ZNF92: variants seen among roughly 807,000 people sequenced by gnomAD.
The protein encoded by ZNF92 is zinc finger protein 92.
In ZNF92, 11 loss-of-function variants were observed where a neutral mutation model predicts 12.4. The observed-to-expected ratio is 0.89, with a 90% confidence interval of 0.56 to 1.47. The LOEUF (loss-of-function observed/expected upper bound fraction) is 1.47. ZNF92 is among the 40% of genes most tolerant of loss of function. The pLI, the probability that ZNF92 is intolerant of heterozygous loss-of-function variation, is 0.00. For missense variants in ZNF92, 622 were observed against 681.0 expected (o/e 0.91, Z 0.96); for synonymous variants, 206 against 228.6 (o/e 0.90, Z 0.89).
chr7:65,389,653 A>G (rs895828008), intron 3 of ZNF92, among the ~76,000 whole-genome samples: 1 of 151,820 alleles, frequency 6.6e-6, no homozygotes, highest in Admixed American at 6.6e-5. Context: ...AGTAGCTGGG[A>G]CTATAGGCAT....
At chr7:65,388,724 C>A in intron 2 of ZNF92, 82 bp from the exon 3 acceptor site, 1 of 1,103,450 alleles carries the variant, frequency 9.1e-7, no homozygotes, top group African/African-American at 1.6e-5. Context: ...TAATCTATTG[C>A]ATCCTCTTTA....
At chr7:65,384,219 T>C (rs1013253674) in intron 1 of ZNF92, among the ~76,000 whole-genome samples, 1 of 151,568 alleles carries the variant, frequency 6.6e-6, no homozygotes, top group African/African-American at 2.4e-5. Context: ...CTAAAAAAGA[T>C]TAAAATTACA....
At chr7:65,378,480 C>T (rs1342169166) in intron 1 of ZNF92, among the ~76,000 whole-genome samples, 1 of 151,610 alleles carries the variant, frequency 6.6e-6, no homozygotes, top group African/African-American at 2.4e-5. Context: ...TGGTGGCTCA[C>T]ACCTGTAATC....
At chr7:65,397,727 G>A (rs1363803125) in intron 3 of ZNF92, among the ~76,000 whole-genome samples, 1 of 152,068 alleles carries the variant, frequency 6.6e-6, no homozygotes, top group East Asian at 1.9e-4. Flanking sequence ...CTGAAATTTT[G>A]TGTTTACTTT....
chr7:65,374,065 G>T, intron 1 of ZNF92, 65 bp downstream of exon 1: 1 of 1,608,836 alleles, frequency 6.2e-7, no homozygotes, highest in Admixed American at 1.7e-5. Context: ...ATTGGAAGTG[G>T]CTGTGGCGGG....
intron 1 of ZNF92, among the ~76,000 whole-genome samples, chr7:65,382,866 T>C (rs1793460504): frequency 6.6e-6 from 1 of 152,128 alleles, no homozygotes; most frequent in Non-Finnish European, 1.5e-5. Flanking sequence ...CTTTTAGTTA[T>C]AAGGCTCAAA....
At chr7:65,375,742 G>A (rs1249107132) in intron 1 of ZNF92, among the ~76,000 whole-genome samples, 2 of 151,726 alleles carry the variant, frequency 1.3e-5, no homozygotes, top group African/African-American at 4.8e-5. Context: ...CAGCTACTCG[G>A]GAGGCTGAGG....
chr7:65,386,492 G>T (rs1793567915), intron 1 of ZNF92, among the ~76,000 whole-genome samples: 1 of 152,054 alleles, frequency 6.6e-6, no homozygotes, highest in Non-Finnish European at 1.5e-5. Flanking sequence ...CCTTAGTCAA[G>T]GAGAACATGT....
Position 65,399,489 on chromosome 7 carries a change from G to A in ZNF92, c.1375G>A (p.Gly459Ser), listed in dbSNP as rs1793951613. Residue 459 changes from glycine to serine, a missense_variant, in exon 4 of 4, where the codon GGC (glycine) becomes AGC (serine). Physicochemically the swap from Gly to Ser is moderately conservative, Grantham distance 56 (BLOSUM62 0). Coordinates refer to ENST00000328747, the MANE Select transcript of ZNF92 (RefSeq NM_152626.4). ...EDKPYKCEEC[G>S]KAFSVFSTLT... ...TAAACCCTACAAATGTGAAGAATGT[G>A]GCAAAGCCTTTAGTGTATTCTCAAC... is the stretch of plus-strand genomic sequence containing the variant. 6.2e-7 allele frequency: 1 copy of A among 1,613,196 alleles called. No individual in the cohort carries two copies. Among genetic ancestry groups the A allele is most frequent in the African/African-American group, 1.3e-5 (1 of 74,878 alleles).
At chr7:65,388,118 A>G in intron 2 of ZNF92, 90 bp downstream of exon 2, 1 of 1,405,038 alleles carries the variant, frequency 7.1e-7, no homozygotes, top group Non-Finnish European at 9.5e-7. Flanking sequence ...TATGCTTTGC[A>G]TAAATGAGTT....
At chr7:65,378,812 TA>T (rs1793325381) in intron 1 of ZNF92, among the ~76,000 whole-genome samples, 1 of 151,872 alleles carries the variant, frequency 6.6e-6, no homozygotes, top group Non-Finnish European at 1.5e-5. Context: ...ATGAGAAAAA[TA>T]AAATGTGCAG....
Position 65,373,905 on chromosome 7 carries a change from C to G in ZNF92, c.-93C>G. On this transcript the variant is annotated 5_prime_UTR_variant, in exon 1 of 4. Coordinates refer to ENST00000328747, the MANE Select transcript of ZNF92 (RefSeq NM_152626.4). Reference sequence around the variant, plus strand: ...CGTCTAGTCTTCACTGCTCTGCGTCCTGTGCTGATAAAGGCTCGCCGCTGT... The same window carrying G: ...CGTCTAGTCTTCACTGCTCTGCGTCGTGTGCTGATAAAGGCTCGCCGCTGT... The G allele has an allele frequency of 1.9e-6, 3 of 1,561,890 alleles. No homozygotes were observed. Among genetic ancestry groups the G allele is most frequent in the Admixed American group, 1.7e-5 (1 of 59,888 alleles).
At chr7:65,387,549 C>T (rs1489891188) in intron 1 of ZNF92, among the ~76,000 whole-genome samples, 1 of 152,086 alleles carries the variant, frequency 6.6e-6, no homozygotes, top group Non-Finnish European at 1.5e-5. Flanking sequence ...GTTTATCATA[C>T]ACATTAAAAT....
At chr7:65,384,688 T>C (rs1024125021) in intron 1 of ZNF92, among the ~76,000 whole-genome samples, 11 of 152,048 alleles carry the variant, frequency 7.2e-5, no homozygotes, top group South Asian at 2.1e-4. Context: ...GTTAAACTCT[T>C]TTCTTTATTC....
chr7:65,374,111 G>C (rs1157900531), intron 1 of ZNF92, 111 bp downstream of exon 1: 10 of 1,462,936 alleles, frequency 6.8e-6, no homozygotes, highest in Non-Finnish European at 9.5e-6. Context: ...CGAGATCCGC[G>C]GCCCGAGTTC....
At chr7:65,387,818 T>C (rs772214347) in intron 1 of ZNF92, 84 bp from the exon 2 acceptor site, 10 of 1,441,716 alleles carry the variant, frequency 6.9e-6, no homozygotes, top group Non-Finnish European at 9.2e-6. Flanking sequence ...TACTCTTTCA[T>C]TTCACCTTAA....
At chr7:65,375,306 A>G (rs6948240) in intron 1 of ZNF92, among the ~76,000 whole-genome samples, 44,674 of 151,796 alleles carry the variant, frequency 0.29, 7,612 homozygotes, top group Middle Eastern at 0.4. Context: ...TACCATGGCA[A>G]TGTCGCTAGA....
chr7:65,388,667 T>C (rs1477503036), intron 2 of ZNF92, 139 bp from the exon 3 acceptor site: 3 of 653,692 alleles, frequency 4.6e-6, no homozygotes, highest in Non-Finnish European at 6.7e-6. Context: ...ATTTAAAATA[T>C]TTAGATATTT....
At position 65,388,906 on chromosome 7, in the gene ZNF92, G is replaced by GTGAC; in HGVS notation, c.226+6_226+9dup. Reference sequence around the variant, plus strand: ...AGATGGTAGACAAAACCCCAGGTAGGTGACAGTTAATACAACAGACAACAC... The same window carrying GTGAC: ...AGATGGTAGACAAAACCCCAGGTAGGTGACTGACAGTTAATACAACAGACAACAC... On this transcript the variant is annotated splice_donor_region_variant and intron_variant, in intron 3 of 3. Coordinates refer to ENST00000328747, the MANE Select transcript of ZNF92 (RefSeq NM_152626.4). The GTGAC allele has an allele frequency of 6.4e-7, 1 of 1,570,690 alleles. No homozygotes were observed. Among genetic ancestry groups the GTGAC allele is most frequent in the Non-Finnish European group, 8.7e-7 (1 of 1,154,394 alleles).
Sources: allele counts gnomAD v4.1 joint callset (sites outside exome capture counted in the v4.1 genomes callset), GRCh38; gene constraint gnomAD v4.1.1; transcripts MANE v1.5; gene names NCBI Gene and HGNC (gene_info 2026-07-23, HGNC 2026-07-21).